Variants in PRSS57 observed in about 807,000 individuals in gnomAD.
PRSS57 encodes neutrophil serine protease 4.
A neutral mutation model predicts 20.6 loss-of-function variants in PRSS57; 19 were observed. That is an observed-to-expected ratio of 0.92 (90% CI 0.64 to 1.35). The LOEUF is 1.35. Among genes scored for constraint, PRSS57 ranks in the 40% most tolerant of loss-of-function variants. The probability of loss-of-function intolerance (pLI) is 0.00; values close to 1 mark genes in which losing one functional copy is unlikely to be tolerated. For synonymous variants in PRSS57, 203 were observed against 176.6 expected (o/e 1.15, Z -1.19); for missense variants, 440 against 403.7 (o/e 1.09, Z -0.77).
At position 687,127 on chromosome 19, in the gene PRSS57, G is replaced by C. The variant is rs1481168269; in HGVS notation, c.440C>G (p.Ala147Gly). Residue 147 changes from alanine (A) to glycine (G), a missense_variant, in exon 4 of 5, where the codon GCC becomes GGC. Ala to Gly is a moderately conservative substitution (Grantham distance 60). Coordinates refer to ENST00000329267, the MANE Select transcript of PRSS57 (RefSeq NM_001308209.2). ...VGLLRPPGRR[A>G]RPPTAGTRCR... ...CCGTGTCCCCGCTGTGGGGGGCCTG[G>C]CCCTTCTCCCTGGCGGCCTCAGCAG... 6.2e-7 allele frequency: 1 copy of C among 1,609,284 alleles called. No homozygotes were observed. The highest frequency in any genetic ancestry group is 8.5e-7 in the Non-Finnish European group (1 of 1,177,824).
rs11451021 is a variant in PRSS57, at chr19:688,602, CT to C, written c.379-1415del. ...CCACCCGGAGGACTCCACCCAGGGA[CT>C]TTTTTTTTTTTTTCAGATGGAGTCT... On this transcript the variant is annotated intron_variant, in intron 3 of 4. Coordinates refer to ENST00000329267, the MANE Select transcript of PRSS57 (RefSeq NM_001308209.2). Among the ~76,000 whole-genome samples the C allele has an allele frequency of 1.2e-3, 133 of 110,132 alleles. 3 individuals are homozygous for C. Among genetic ancestry groups the C allele is most frequent in the East Asian group, 3.3e-3 (12 of 3,662 alleles). The allele number at this position is 110,132 out of a possible 152,430, so 72.3% of individuals were successfully genotyped here.
chr19:688,842 A>C (rs1260253034), intron 3 of PRSS57, among the ~76,000 whole-genome samples: 2 of 151,170 alleles, frequency 1.3e-5, no homozygotes, highest in Admixed American at 6.6e-5. Context: ...CAAATGATCT[A>C]CCCGCCTCGG....
chr19:695,349 C>T lies in PRSS57; in HGVS notation c.79+3G>A. On this transcript the variant is annotated splice_donor_region_variant and intron_variant, in intron 1 of 4. Transcript: ENST00000329267. ...TGGGTGGGGATCCCGGGGGGCTCCT[C>T]ACCGGGGGGCTTCACGGGCAGCATC... 7.9e-7 allele frequency: 1 copy of T among 1,267,222 alleles called. No individual in the cohort carries two copies. Among genetic ancestry groups the T allele is most frequent in the Non-Finnish European group, 1.0e-6 (1 of 1,002,040 alleles). 78.5% of individuals were successfully genotyped at this position (1,267,222 alleles called of 1,614,324 possible). A position where few individuals can be genotyped will look rare whatever the true frequency, so the allele number is the denominator to read the frequency against.
chr19:686,611 A>G (rs2031481006), intron 4 of PRSS57, among the ~76,000 whole-genome samples: 1 of 151,992 alleles, frequency 6.6e-6, no homozygotes, highest in Admixed American at 6.6e-5. Flanking sequence ...CTCCCTTGGC[A>G]CCTGGGGATT....
chr19:693,599 C>T (rs928852998), intron 2 of PRSS57, among the ~76,000 whole-genome samples: 11 of 151,994 alleles, frequency 7.2e-5, no homozygotes, highest in Admixed American at 6.6e-4. Flanking sequence ...GACAGAATCT[C>T]ACTCTTTCCC....
intron 3 of PRSS57, among the ~76,000 whole-genome samples, chr19:687,927 C>T (rs2031524707): frequency 6.6e-6 from 1 of 152,198 alleles, no homozygotes; most frequent in African/African-American, 2.4e-5. Flanking sequence ...TTTTCCTATT[C>T]AGCCATCTCA....
intron 2 of PRSS57, among the ~76,000 whole-genome samples, chr19:694,082 G>A (rs2031722835): frequency 6.6e-6 from 1 of 151,774 alleles, no homozygotes; most frequent in Non-Finnish European, 1.5e-5. Context: ...CACCATGTTG[G>A]CCAGGCTGGT....
chr19:694,705 C>T lies in PRSS57; in HGVS notation c.233+109G>A, dbSNP rs922388899. The T allele has an allele frequency of 7.9e-6, 10 of 1,269,556 alleles. No individual in the cohort carries two copies. The Admixed American group carries it at 1.6e-4, about 20-fold the overall frequency. The allele number at this position is 1,269,556 out of a possible 1,614,324, so 78.6% of individuals were successfully genotyped here. A position where few individuals can be genotyped will look rare whatever the true frequency, so the allele number is the denominator to read the frequency against. On this transcript the variant is annotated intron_variant, in intron 2 of 4. Transcript: ENST00000329267. ...CCTTTAAATCCAGCCCCTGCTGAGA[C>T]TCCCCCTCCTGCAGGAGCCACGGCG...
rs568067891 is a variant in PRSS57 at position 689,846 on chromosome 19, G to A, written c.378+2012C>T. ...AGGTGGGCGGATCACTTGAGGACCG[G>A]AGTTAAGACCAGCCTGGCCAACATG... On this transcript the variant is annotated intron_variant, in intron 3 of 4. Transcript: ENST00000329267. Among the ~76,000 whole-genome samples, 22 of 152,294 alleles carry A rather than the reference G, an allele frequency of 1.4e-4. No homozygotes were observed. In the South Asian group the frequency reaches 4.6e-3, roughly 32 times the overall value.
chr19:694,981 G>A lies in PRSS57; in HGVS notation c.80-14C>T, dbSNP rs751080222. 9.9e-6 allele frequency: 15 copies of A among 1,517,138 alleles called. No homozygotes were observed. Among genetic ancestry groups the A allele is most frequent in the African/African-American group, 2.8e-5 (2 of 71,430 alleles). The allele number at this position is 1,517,138 out of a possible 1,614,324, so 94.0% of individuals were successfully genotyped here. A position where few individuals can be genotyped will look rare whatever the true frequency, so the allele number is the denominator to read the frequency against. On this transcript the variant is annotated splice_polypyrimidine_tract_variant and intron_variant, in intron 1 of 4. Transcript: ENST00000329267. ...CCCCCCAGGAGCCTGCTGGAGGGAC[G>A]GCCTGAGTCAGGGACGAGGCGGGAG...
chr19:686,483 T>C (rs2031476170), intron 4 of PRSS57, among the ~76,000 whole-genome samples: 1 of 152,030 alleles, frequency 6.6e-6, no homozygotes, highest in South Asian at 2.1e-4. Flanking sequence ...TTTTCCAAGG[T>C]CACGCATCGG....
chr19:688,900 C>T (rs1420916493), intron 3 of PRSS57, among the ~76,000 whole-genome samples: 1 of 152,076 alleles, frequency 6.6e-6, no homozygotes, highest in East Asian at 1.9e-4. Context: ...CGCCCGGCCC[C>T]ACACAGGGAC....
At chr19:689,140 C>G (rs368762921) in intron 3 of PRSS57, among the ~76,000 whole-genome samples, 2 of 89,740 alleles carry the variant, frequency 2.2e-5, no homozygotes, top group Non-Finnish European at 2.4e-5. Context: ...TAGCAGGTGA[C>G]GACGGTGCTA....
At chr19:689,783 G>A (rs2031586272) in intron 3 of PRSS57, among the ~76,000 whole-genome samples, 1 of 152,226 alleles carries the variant, frequency 6.6e-6, no homozygotes, top group African/African-American at 2.4e-5. Context: ...GCCTGGCGCA[G>A]TGGTACACGC....
intron 3 of PRSS57, chr19:690,904 C>T (rs1056577056): frequency 1.7e-4 from 73 of 423,590 alleles, no homozygotes; most frequent in Middle Eastern, 1.5e-3. Flanking sequence ...TCCCCGTGTC[C>T]GGGGCGCTGG....
At chr19:688,800 C>T (rs575528667) in intron 3 of PRSS57, among the ~76,000 whole-genome samples, 8 of 151,932 alleles carry the variant, frequency 5.3e-5, no homozygotes, top group Admixed American at 3.9e-4. Flanking sequence ...GGTTTCACCA[C>T]GTTGGCCAGT....
At chr19:687,849 T>A (rs1483310480) in intron 3 of PRSS57, among the ~76,000 whole-genome samples, 1 of 152,126 alleles carries the variant, frequency 6.6e-6, no homozygotes, top group African/African-American at 2.4e-5. Flanking sequence ...CCAGGCAGGA[T>A]GAATTTACAG....
intron 4 of PRSS57, 124 bp downstream of exon 4, chr19:686,801 C>T: frequency 4.7e-6 from 6 of 1,269,654 alleles, no homozygotes; most frequent in Non-Finnish European, 6.5e-6. Context: ...CCCTGGGCCT[C>T]AGCTTCTCCG....
chr19:686,890 C>G, intron 4 of PRSS57, 35 bp downstream of exon 4: 1 of 1,591,492 alleles, frequency 6.3e-7, no homozygotes, highest in Middle Eastern at 1.7e-4. Flanking sequence ...GGTTTCCCCA[C>G]ACAGTAAGTG....
Sources: gnomAD v4.1 joint callset for allele counts (sites outside exome capture counted in the v4.1 genomes callset) on GRCh38, gnomAD v4.1.1 for gene constraint, MANE v1.5 for transcripts, NCBI Gene and HGNC (gene_info 2026-07-23, HGNC 2026-07-21) for gene names.